CHRDL1: variants seen among roughly 807,000 people sequenced by gnomAD.
CHRDL1 encodes chordin like 1, also known as chordin-like protein 1.
CHRDL1 carries 19 observed loss-of-function variants against 40.9 expected under a neutral mutation model. The observed-to-expected ratio is 0.46, with a 90% confidence interval of 0.32 to 0.68. The LOEUF (loss-of-function observed/expected upper bound fraction) is 0.68. Ranked by LOEUF, CHRDL1 falls within the 30% of genes least tolerant of loss-of-function variation. CHRDL1 has a pLI of 0.03. For synonymous variants in CHRDL1, 136 were observed against 123.4 expected (o/e 1.10, Z -0.68); for missense variants, 329 against 352.1 (o/e 0.93, Z 0.53).
At chrX:110,758,675 C>T (rs1330240165) in intron 4 of CHRDL1, among the ~76,000 whole-genome samples, 1 of 111,675 alleles carries the variant, frequency 9.0e-6, no homozygotes, top group East Asian at 2.8e-4. Flanking sequence ...ACTTAAAAAG[C>T]ACCGTCTATA....
intron 4 of CHRDL1, among the ~76,000 whole-genome samples, chrX:110,725,206 A>G (rs2071033270): frequency 8.9e-6 from 1 of 111,925 alleles, no homozygotes; most frequent in Admixed American, 9.4e-5. Flanking sequence ...CTTCTCCCCA[A>G]GTGAGGGATG....
chrX:110,763,879 T>G (rs1427240234), intron 2 of CHRDL1, among the ~76,000 whole-genome samples: 2 of 111,736 alleles, frequency 1.8e-5, no homozygotes, highest in African/African-American at 6.5e-5. Context: ...CTACTGTTTT[T>G]TCGTTTTTTG....
At chrX:110,712,731 G>A (rs911120913) in intron 6 of CHRDL1, among the ~76,000 whole-genome samples, 2 of 109,791 alleles carry the variant, frequency 1.8e-5, no homozygotes, top group African/African-American at 3.3e-5. Context: ...GGTTGGGCAC[G>A]GTGGTGCACG....
At chrX:110,768,174 T>C (rs2089694999) in intron 2 of CHRDL1, among the ~76,000 whole-genome samples, 1 of 112,250 alleles carries the variant, frequency 8.9e-6, no homozygotes, top group Admixed American at 9.4e-5. Context: ...AGATGATGCA[T>C]TGTGTTAGGT....
At chrX:110,746,198 G>A (rs2089247645) in intron 4 of CHRDL1, among the ~76,000 whole-genome samples, 1 of 111,210 alleles carries the variant, frequency 9.0e-6, no homozygotes, top group African/African-American at 3.3e-5. Context: ...AGTGGTCTGA[G>A]AGGCCCCCTG....
At chrX:110,686,899 A>AAC (rs1556328850) in intron 9 of CHRDL1, among the ~76,000 whole-genome samples, 6 of 94,314 alleles carry the variant, frequency 6.4e-5, no homozygotes, top group Non-Finnish European at 1.0e-4. Context: ...AACAAAAAAT[A>AAC]AAAAAAAAAA....
intron 2 of CHRDL1, among the ~76,000 whole-genome samples, chrX:110,786,880 G>A (rs1056068566): frequency 4.5e-5 from 5 of 111,703 alleles, no homozygotes; most frequent in African/African-American, 1.6e-4. Context: ...CATTTACTTG[G>A]ATCATCTCTT....
chrX:110,731,276 G>A (rs1399818165), intron 4 of CHRDL1, among the ~76,000 whole-genome samples: 1 of 111,716 alleles, frequency 9.0e-6, no homozygotes, highest in African/African-American at 3.3e-5. Flanking sequence ...ATCCTACAAT[G>A]AGATACCATT....
intron 2 of CHRDL1, among the ~76,000 whole-genome samples, chrX:110,786,488 CCCT>C (rs2090019609): frequency 9.0e-6 from 1 of 111,623 alleles, no homozygotes; most frequent in African/African-American, 3.2e-5. Flanking sequence ...CCTCCCCAGC[CCCT>C]ATACTATTCT....
intron 2 of CHRDL1, among the ~76,000 whole-genome samples, chrX:110,763,503 T>C (rs201864317): frequency 1.9e-4 from 21 of 108,129 alleles, no homozygotes; most frequent in African/African-American, 5.7e-4. Context: ...CACACACACA[T>C]ATATATATAC....
intron 2 of CHRDL1, among the ~76,000 whole-genome samples, chrX:110,776,970 C>T (rs1054994713): frequency 6.3e-5 from 7 of 111,162 alleles, no homozygotes; most frequent in African/African-American, 2.3e-4. Context: ...AATTTTACTG[C>T]CCTAAAAATA....
chrX:110,721,120 G>A (rs1013423405), intron 5 of CHRDL1, among the ~76,000 whole-genome samples: 2 of 111,811 alleles, frequency 1.8e-5, no homozygotes, highest in East Asian at 2.8e-4. Context: ...AAGGAGCGCC[G>A]ATCAACACAA....
At chrX:110,696,565 TC>T (rs1191230218) in intron 7 of CHRDL1, among the ~76,000 whole-genome samples, 2 of 110,990 alleles carry the variant, frequency 1.8e-5, no homozygotes, top group African/African-American at 6.6e-5. Flanking sequence ...AGAAAGAATG[TC>T]CAATCAAACT....
intron 4 of CHRDL1, among the ~76,000 whole-genome samples, chrX:110,733,366 C>T (rs2071203150): frequency 1.8e-5 from 2 of 111,162 alleles, no homozygotes; most frequent in African/African-American, 6.5e-5. Flanking sequence ...CTCTGATTGG[C>T]CAATTCTGCC....
chrX:110,709,133 A>C (rs1234797898), intron 6 of CHRDL1, among the ~76,000 whole-genome samples: 1 of 112,593 alleles, frequency 8.9e-6, no homozygotes, highest in East Asian at 2.8e-4. Flanking sequence ...GGAGACAATA[A>C]TGCCTACCTT....
intron 10 of CHRDL1, among the ~76,000 whole-genome samples, chrX:110,681,132 CTAA>C (rs200344811): frequency 0.013 from 1,450 of 111,648 alleles, 17 homozygotes; most frequent in Non-Finnish European, 0.02. Flanking sequence ...TCCAGACCAA[CTAA>C]TCAGAATCTC....
Position 110,721,407 on chromosome X carries a change from T to C in CHRDL1, c.425A>G (p.Gln142Arg). The stretch of plus-strand genomic sequence containing the variant: ...TACCGAACAGCTGCACTGGGTGCAT[T>C]GATTGGGTTGCCGATTCTGAAAGAG... Reference protein sequence around the residue: ...EGLFQNRQPNQCTQCSCSEGN... With the variant: ...EGLFQNRQPNRCTQCSCSEGN... The change falls in exon 5 of 12, where the codon CAA becomes CGA. Residue 142 changes from glutamine to arginine, a missense_variant. Gln to Arg is a conservative substitution (Grantham distance 43). Coordinates refer to ENST00000372042, the MANE Select transcript of CHRDL1 (RefSeq NM_001143981.2). 1.7e-6 allele frequency: 2 copies of C among 1,211,002 alleles called. No individual in the cohort carries two copies. Among genetic ancestry groups the C allele is most frequent in the Non-Finnish European group, 2.2e-6 (2 of 894,766 alleles).
intron 2 of CHRDL1, among the ~76,000 whole-genome samples, chrX:110,782,567 A>C (rs2089963316): frequency 8.9e-6 from 1 of 112,425 alleles, no homozygotes. Context: ...CACCTTTTAA[A>C]AATCAATGTT....
intron 2 of CHRDL1, among the ~76,000 whole-genome samples, chrX:110,766,648 A>G (rs2089666618): frequency 1.8e-5 from 2 of 111,236 alleles, no homozygotes; most frequent in African/African-American, 6.5e-5. Context: ...AAGAAGAATT[A>G]GATACCCTGA....
Sources: allele counts gnomAD v4.1 joint callset (sites outside exome capture counted in the v4.1 genomes callset), GRCh38; gene constraint gnomAD v4.1.1; transcripts MANE v1.5; gene names NCBI Gene and HGNC (gene_info 2026-07-23, HGNC 2026-07-21).